MNAT1: variants seen among roughly 807,000 people sequenced by gnomAD.
The protein encoded by MNAT1 is MNAT1 component of CDK activating kinase, also known as CDK-activating kinase assembly factor MAT1.
In MNAT1, 43 loss-of-function variants were observed where a neutral mutation model predicts 42.0. The observed-to-expected ratio is 1.02, with a 90% CI of 0.80 to 1.32. MNAT1 has a LOEUF of 1.32. Ranked by LOEUF, MNAT1 falls within the 40% of genes most tolerant of loss-of-function variation. The pLI is 0.00. For missense variants in MNAT1, 306 were observed against 350.4 expected (o/e 0.87, Z 1.01); for synonymous variants, 118 against 120.0 (o/e 0.98, Z 0.11).
At chr14:60,779,450 T>C (rs975397305) in intron 1 of MNAT1, among the ~76,000 whole-genome samples, 2 of 152,122 alleles carry the variant, frequency 1.3e-5, no homozygotes, top group African/African-American at 2.4e-5. Context: ...TTTGTCTTCT[T>C]CTCTTGAAAG....
intron 7 of MNAT1, among the ~76,000 whole-genome samples, chr14:60,921,032 G>C (rs2035648788): frequency 6.6e-6 from 1 of 152,076 alleles, no homozygotes; most frequent in Admixed American, 6.5e-5. Context: ...TATTAACTGA[G>C]ATATAATTCA....
intron 1 of MNAT1, among the ~76,000 whole-genome samples, chr14:60,793,200 CTT>C (rs1463863150): frequency 6.6e-6 from 1 of 151,040 alleles, no homozygotes; most frequent in Non-Finnish European, 1.5e-5. Context: ...TTGTTTTTTG[CTT>C]GTTTGTTTGT....
intron 7 of MNAT1, among the ~76,000 whole-genome samples, chr14:60,938,169 C>T (rs2036050352): frequency 6.6e-6 from 1 of 152,188 alleles, no homozygotes; most frequent in East Asian, 1.9e-4. Flanking sequence ...ATGTCATCTG[C>T]AAACAGGGAC....
At chr14:60,860,210 CCT>C (rs1464493714) in intron 6 of MNAT1, among the ~76,000 whole-genome samples, 4 of 152,046 alleles carry the variant, frequency 2.6e-5, no homozygotes, top group South Asian at 2.1e-4. Flanking sequence ...CAAAATATTC[CCT>C]CTCTTCCTGC....
At chr14:60,831,624 G>A (rs924889913) in intron 6 of MNAT1, among the ~76,000 whole-genome samples, 6 of 152,138 alleles carry the variant, frequency 3.9e-5, no homozygotes, top group Non-Finnish European at 7.3e-5. Flanking sequence ...TGTGAATAGT[G>A]CTGCAATAAA....
chr14:60,967,110 T>C (rs1459120198), intron 7 of MNAT1, among the ~76,000 whole-genome samples: 5 of 152,216 alleles, frequency 3.3e-5, no homozygotes. Flanking sequence ...TTATAGCTAA[T>C]TCCAGGAACT....
chr14:60,796,485 T>C (rs2032023232), intron 2 of MNAT1, 116 bp downstream of exon 2: 1 of 911,140 alleles, frequency 1.1e-6, no homozygotes, highest in African/African-American at 1.7e-5. Context: ...TAACTATAAA[T>C]TCATTTAAGT....
chr14:60,881,140 T>G (rs1316345063), intron 7 of MNAT1, among the ~76,000 whole-genome samples: 1 of 152,176 alleles, frequency 6.6e-6, no homozygotes, highest in Non-Finnish European at 1.5e-5. Context: ...ATATACAGAT[T>G]TTCTTATGTC....
At chr14:60,762,297 T>G (rs1392144009) in intron 1 of MNAT1, among the ~76,000 whole-genome samples, 3 of 152,056 alleles carry the variant, frequency 2.0e-5, no homozygotes, top group African/African-American at 7.2e-5. Context: ...CATGAAAAAA[T>G]TTTTAGGGAA....
At chr14:60,959,072 C>T (rs2036541229) in intron 7 of MNAT1, among the ~76,000 whole-genome samples, 1 of 152,208 alleles carries the variant, frequency 6.6e-6, no homozygotes, top group South Asian at 2.1e-4. Context: ...GCACACGTCA[C>T]CACTTAGGCA....
chr14:60,926,552 C>G (rs565230602), intron 7 of MNAT1, among the ~76,000 whole-genome samples: 63 of 152,206 alleles, frequency 4.1e-4, no homozygotes, highest in African/African-American at 1.5e-3. Context: ...TATGTTTATC[C>G]AACTATTATA....
At chr14:60,747,932 C>T (rs747376509) in intron 1 of MNAT1, among the ~76,000 whole-genome samples, 4 of 152,150 alleles carry the variant, frequency 2.6e-5, no homozygotes, top group Non-Finnish European at 4.4e-5. Context: ...CATGGTGGCT[C>T]ACACCTGTAA....
At chr14:60,919,048 T>C (rs1212817210) in intron 7 of MNAT1, among the ~76,000 whole-genome samples, 1 of 151,634 alleles carries the variant, frequency 6.6e-6, no homozygotes, top group Non-Finnish European at 1.5e-5. Context: ...GGAGGCTGAA[T>C]GCTACACACC....
chr14:60,858,291 AT>A (rs1444164565), intron 6 of MNAT1, among the ~76,000 whole-genome samples: 3 of 152,024 alleles, frequency 2.0e-5, no homozygotes, highest in Non-Finnish European at 2.9e-5. Flanking sequence ...ATGGTATCTC[AT>A]TGTGGTTTTG....
At chr14:60,955,501 A>C (rs1007456685) in intron 7 of MNAT1, among the ~76,000 whole-genome samples, 18 of 152,134 alleles carry the variant, frequency 1.2e-4, no homozygotes, top group Middle Eastern at 3.2e-3. Context: ...ATCTCTACTA[A>C]AAATACAAAA....
chr14:60,787,995 G>A (rs1405260747), intron 1 of MNAT1, among the ~76,000 whole-genome samples: 1 of 152,102 alleles, frequency 6.6e-6, no homozygotes, highest in Non-Finnish European at 1.5e-5. Flanking sequence ...TGTTCTTAAT[G>A]GCATCTAGAA....
chr14:60,908,228 T>G (rs1035317415), intron 7 of MNAT1, among the ~76,000 whole-genome samples: 1 of 152,202 alleles, frequency 6.6e-6, no homozygotes, highest in Non-Finnish European at 1.5e-5. Context: ...TTATTTTACG[T>G]TTAAATTTTT....
chr14:60,930,350 C>G (rs983008446), intron 7 of MNAT1, among the ~76,000 whole-genome samples: 1 of 151,578 alleles, frequency 6.6e-6, no homozygotes, highest in African/African-American at 2.4e-5. Context: ...CCCCTCATAC[C>G]TCATCCCACA....
At chr14:60,742,627 C>T (rs1896507589) in intron 1 of MNAT1, among the ~76,000 whole-genome samples, 1 of 152,162 alleles carries the variant, frequency 6.6e-6, no homozygotes, top group African/African-American at 2.4e-5. Flanking sequence ...AAAGATACCT[C>T]TCACCACTTA....
Sources: allele counts gnomAD v4.1 joint callset (sites outside exome capture counted in the v4.1 genomes callset), GRCh38; gene constraint gnomAD v4.1.1; transcripts MANE v1.5; gene names NCBI Gene and HGNC (gene_info 2026-07-23, HGNC 2026-07-21).